Variants in PRKCE observed in about 807,000 individuals in gnomAD.
PRKCE encodes the protein protein kinase C epsilon type.
Under a neutral mutation model 85.4 loss-of-function variants are expected in PRKCE, and 16 were observed. The observed-to-expected ratio is 0.19, with a 90% confidence interval of 0.13 to 0.28. The LOEUF is 0.28. PRKCE is among the 10% of genes least tolerant of loss of function. The probability of loss-of-function intolerance (pLI) is 1.00; values close to 1 mark genes in which losing one functional copy is unlikely to be tolerated. For synonymous variants in PRKCE, 388 were observed against 371.5 expected, an observed-to-expected ratio of 1.04 and a Z score of -0.51; for missense variants, 573 against 975.2, an observed-to-expected ratio of 0.59 and a Z score of 5.49.
intron 1 of PRKCE, among the ~76,000 whole-genome samples, chr2:45,807,969 T>C (rs1688367881): frequency 1.3e-5 from 2 of 151,978 alleles, no homozygotes; most frequent in African/African-American, 4.8e-5. Context: ...CTCCCTCCCT[T>C]GCTGTGCCAC....
chr2:45,829,383 G>C (rs953377287), intron 1 of PRKCE, among the ~76,000 whole-genome samples: 2 of 152,142 alleles, frequency 1.3e-5, no homozygotes, highest in African/African-American at 4.8e-5. Context: ...AGGTGGTCCT[G>C]GAGAAAATGA....
intron 10 of PRKCE, among the ~76,000 whole-genome samples, chr2:46,047,801 C>G (rs151014941): frequency 2.1e-3 from 317 of 152,266 alleles, no homozygotes; most frequent in African/African-American, 7.1e-3. Flanking sequence ...GGGAGGATAT[C>G]TTGGCTTAAA....
At chr2:45,832,606 C>T (rs116229902) in intron 1 of PRKCE, among the ~76,000 whole-genome samples, 4,754 of 152,010 alleles carry the variant, frequency 0.031, 273 homozygotes, top group African/African-American at 0.11. Flanking sequence ...CCACCGCACC[C>T]GGCCAAGGAG....
At chr2:46,010,720 G>T in intron 10 of PRKCE, 1 of 1,598,424 alleles carries the variant, frequency 6.3e-7, no homozygotes, top group Non-Finnish European at 8.5e-7. Flanking sequence ...TGCTTGTGAA[G>T]GGATGAGAGA....
intron 10 of PRKCE, among the ~76,000 whole-genome samples, chr2:46,020,102 G>A (rs1486155282): frequency 2.0e-5 from 3 of 151,988 alleles, no homozygotes; most frequent in East Asian, 1.9e-4. Flanking sequence ...CGCCTGCCTC[G>A]GCCTTCCACA....
At chr2:45,816,752 C>T (rs1050305823) in intron 1 of PRKCE, among the ~76,000 whole-genome samples, 2 of 152,136 alleles carry the variant, frequency 1.3e-5, no homozygotes, top group Non-Finnish European at 2.9e-5. Context: ...CAGATGGCCC[C>T]TTCCCAGCCT....
intron 10 of PRKCE, among the ~76,000 whole-genome samples, chr2:46,038,453 T>A (rs754465028): frequency 2.0e-5 from 3 of 152,064 alleles, no homozygotes; most frequent in Non-Finnish European, 1.5e-5. Context: ...GGGCAGGATA[T>A]CTCACGGGCC....
chr2:46,142,956 A>G (rs900705879), intron 11 of PRKCE, among the ~76,000 whole-genome samples: 1 of 152,210 alleles, frequency 6.6e-6, no homozygotes. Flanking sequence ...GGGGTATTTT[A>G]TAAAGTTGGG....
intron 2 of PRKCE, among the ~76,000 whole-genome samples, chr2:45,959,249 C>T (rs1350764367): frequency 6.6e-6 from 1 of 152,110 alleles, no homozygotes; most frequent in African/African-American, 2.4e-5. Flanking sequence ...AGACTGCTAG[C>T]CAGAGAGGCC....
In PRKCE at chr2:45,941,502, G is replaced by A. The variant is rs531053609; in HGVS notation, c.413-34927G>A. 3.2e-4 allele frequency among the ~76,000 whole-genome samples: 48 copies of A among 152,276 alleles called. 1 individual carries two copies. Among genetic ancestry groups the A allele is most frequent in the South Asian group, 2.1e-3 (10 of 4,816 alleles). Reference sequence around the variant, plus strand: ...AGGCACGGACGGATGTTTATAAAGCGTTAGACTCTGCAGCTCAGAGAAAGC... The same window carrying A: ...AGGCACGGACGGATGTTTATAAAGCATTAGACTCTGCAGCTCAGAGAAAGC... On this transcript the variant is annotated intron_variant, in intron 2 of 14. Coordinates refer to ENST00000306156, the MANE Select transcript of PRKCE (RefSeq NM_005400.3).
chr2:45,900,263 A>C (rs986968883), intron 2 of PRKCE, among the ~76,000 whole-genome samples: 3 of 152,230 alleles, frequency 2.0e-5, no homozygotes, highest in Admixed American at 2.0e-4. Flanking sequence ...AACACTAGGT[A>C]TACATCCCAA....
chr2:45,735,985 G>C (rs6544850), intron 1 of PRKCE, among the ~76,000 whole-genome samples: 93,460 of 151,920 alleles, frequency 0.62, 30,687 homozygotes, highest in African/African-American at 0.86. Context: ...TTTTTTGAGA[G>C]AGAGTCTCAC....
chr2:45,695,190 C>G (rs1427005001), intron 1 of PRKCE, among the ~76,000 whole-genome samples: 7 of 152,148 alleles, frequency 4.6e-5, no homozygotes, highest in African/African-American at 1.7e-4. Context: ...CAGTGTTTCT[C>G]CTTTTTTCTC....
chr2:46,162,300 A>ACCCTGTTTGCTTTCTTTTG (rs1677856080), intron 14 of PRKCE, among the ~76,000 whole-genome samples: 1 of 152,048 alleles, frequency 6.6e-6, no homozygotes, highest in South Asian at 2.1e-4. Flanking sequence ...AGCCAGAAAG[A>ACCCTGTTTGCTTTCTTTTG]CCCTGTTTGC....
chr2:45,704,287 T>C (rs983938542), intron 1 of PRKCE, among the ~76,000 whole-genome samples: 1 of 152,180 alleles, frequency 6.6e-6, no homozygotes, highest in African/African-American at 2.4e-5. Context: ...TTTTCTGGTT[T>C]GTAGATTGTT....
At chr2:45,789,867 A>C (rs1573366476) in intron 1 of PRKCE, among the ~76,000 whole-genome samples, 1 of 152,216 alleles carries the variant, frequency 6.6e-6, no homozygotes, top group Non-Finnish European at 1.5e-5. Flanking sequence ...TATCTTTCTG[A>C]AGATAATGAA....
At chr2:45,858,874 C>G (rs1573634119) in intron 2 of PRKCE, among the ~76,000 whole-genome samples, 2 of 151,844 alleles carry the variant, frequency 1.3e-5, no homozygotes, top group South Asian at 2.1e-4. Flanking sequence ...AACCCCACCT[C>G]TACTAAAAAT....
intron 1 of PRKCE, among the ~76,000 whole-genome samples, chr2:45,813,578 G>A (rs1425269222): frequency 6.6e-6 from 1 of 152,116 alleles, no homozygotes. Flanking sequence ...GACAACCCTC[G>A]TCTTTCACAA....
At position 45,842,994 on chromosome 2, in the gene PRKCE, T is replaced by C. The variant is rs751408263; in HGVS notation, c.349-6T>C. On this transcript the variant is annotated splice_polypyrimidine_tract_variant and splice_region_variant and intron_variant, in intron 1 of 14. Transcript: ENST00000306156. ...AACAGAGTCACTGTCATTTTCTTAA[T>C]TGCAGATTGATCTGGAGCCAGAAGG... 3.7e-6 allele frequency: 6 copies of C among 1,613,840 alleles called. No individual in the cohort carries two copies. The African/African-American group carries it at 4.0e-5, about 11-fold the overall frequency.
Sources: allele counts gnomAD v4.1 joint callset (sites outside exome capture counted in the v4.1 genomes callset), GRCh38; gene constraint gnomAD v4.1.1; transcripts MANE v1.5; gene names NCBI Gene and HGNC (gene_info 2026-07-23, HGNC 2026-07-21).